Variants in FAM167A observed in about 807,000 individuals in gnomAD.
FAM167A encodes family with sequence similarity 167 member A, also known as protein FAM167A.
Under a neutral mutation model 14.9 loss-of-function variants are expected in FAM167A, and 23 were observed. The observed-to-expected ratio is 1.55, with a 90% confidence interval of 1.11 to 2.19. The LOEUF is 2.19. Ranked by LOEUF, FAM167A falls within the 30% of genes most tolerant of loss-of-function variation. FAM167A has a pLI of 0.00. For missense variants in FAM167A, 401 were observed against 281.5 expected, an observed-to-expected ratio of 1.42 and a Z score of -3.04; for synonymous variants, 174 against 117.7, an observed-to-expected ratio of 1.48 and a Z score of -3.10.
At chr8:11,425,668 A>AT (rs546447944) in intron 2 of FAM167A, among the ~76,000 whole-genome samples, 1 of 151,028 alleles carries the variant, frequency 6.6e-6, no homozygotes, top group Non-Finnish European at 1.5e-5. Context: ...GCTTTGTTAT[A>AT]CCCCCCCTTG....
intron 1 of FAM167A, among the ~76,000 whole-genome samples, chr8:11,451,490 C>G (rs559751780): frequency 1.3e-5 from 2 of 152,242 alleles, no homozygotes; most frequent in Admixed American, 1.3e-4. Context: ...ATTTGTCTTT[C>G]GTTGGACTGT....
chr8:11,445,487 G>A (rs67526040), intron 1 of FAM167A: 196,223 of 985,664 alleles, frequency 0.2, 20,511 homozygotes, highest in Non-Finnish European at 0.21. Flanking sequence ...TGGCACCTGG[G>A]CTGGATGGCT....
intron 2 of FAM167A, among the ~76,000 whole-genome samples, chr8:11,430,207 G>A (rs561765297): frequency 2.6e-5 from 4 of 152,330 alleles, no homozygotes; most frequent in African/African-American, 7.2e-5. Flanking sequence ...GGTGCAGCCT[G>A]TAATCCCAGC....
intron 2 of FAM167A, chr8:11,443,732 G>T: frequency 2.9e-6 from 1 of 339,246 alleles, no homozygotes; most frequent in Non-Finnish European, 5.5e-6. Flanking sequence ...TCCAGTACTG[G>T]GAGCGGTGTT....
intron 2 of FAM167A, chr8:11,433,944 G>A (rs957579984): frequency 1.3e-5 from 2 of 152,206 alleles, no homozygotes; most frequent in African/African-American, 4.8e-5. Context: ...TTTCGTCAGT[G>A]TTGTGCAGGA....
chr8:11,451,039 C>G (rs1420864656), intron 1 of FAM167A, among the ~76,000 whole-genome samples: 1 of 152,260 alleles, frequency 6.6e-6, no homozygotes, highest in African/African-American at 2.4e-5. Flanking sequence ...AGGTCATTTC[C>G]ATCCAGCAGC....
chr8:11,453,353 G>T (rs1232493288), intron 1 of FAM167A, among the ~76,000 whole-genome samples: 2 of 152,206 alleles, frequency 1.3e-5, no homozygotes, highest in African/African-American at 4.8e-5. Context: ...TAACATTTTA[G>T]TAACACTGTC....
At chr8:11,473,655 T>C (rs61649748) in intron 1 of FAM167A, among the ~76,000 whole-genome samples, 28,665 of 152,108 alleles carry the variant, frequency 0.19, 2,950 homozygotes, top group Non-Finnish European at 0.22. Context: ...CGGTTCTATC[T>C]CTGGGTCTGC....
intron 2 of FAM167A, 110 bp from the exon 3 acceptor site, chr8:11,424,746 A>T (rs980256350): frequency 1.9e-5 from 27 of 1,423,014 alleles, no homozygotes; most frequent in Non-Finnish European, 2.4e-5. Flanking sequence ...TAAGTGGTCC[A>T]TCTAGAAATA....
At chr8:11,461,662 A>T (rs1339812786) in intron 1 of FAM167A, among the ~76,000 whole-genome samples, 1 of 152,242 alleles carries the variant, frequency 6.6e-6, no homozygotes, top group Non-Finnish European at 1.5e-5. Flanking sequence ...GCTCCTAACC[A>T]GCTGGCATTG....
chr8:11,445,123 T>G (rs974774674), intron 1 of FAM167A: 61 of 984,686 alleles, frequency 6.2e-5, no homozygotes, highest in Non-Finnish European at 7.1e-5. Flanking sequence ...GGAACCCACA[T>G]ATCCTAGAAG....
rs1351824391 is a variant in FAM167A, at chr8:11,444,418, G to A, written c.-7C>T. On this transcript the variant is annotated 5_prime_UTR_variant, in exon 2 of 3. Transcript: ENST00000284486. The stretch of plus-strand genomic sequence containing the variant: ...GGATCTGGGGCACAGACATTCTACA[G>A]TCTGCCCTGGCAGCCGGACATGCGA... The A allele has an allele frequency of 6.5e-7, 1 of 1,529,402 alleles. No homozygotes were observed. The highest frequency in any genetic ancestry group is 1.3e-5 in the South Asian group (1 of 79,084). 94.7% of individuals were successfully genotyped at this position (1,529,402 alleles called of 1,614,324 possible).
At chr8:11,470,441 G>A (rs1180301743), upstream of FAM167A, among the ~76,000 whole-genome samples, 1 of 152,206 alleles carries the variant, frequency 6.6e-6, no homozygotes, top group Admixed American at 6.5e-5. Flanking sequence ...AGCATGGGTG[G>A]GAGATGACAT....
intron 2 of FAM167A, among the ~76,000 whole-genome samples, chr8:11,432,511 C>G (rs1362179246): frequency 6.6e-6 from 1 of 152,136 alleles, no homozygotes; most frequent in African/African-American, 2.4e-5. Flanking sequence ...ATCAAAATCA[C>G]AAGGAGATAC....
chr8:11,474,030 T>G (rs940559865), intron 1 of FAM167A, among the ~76,000 whole-genome samples: 3 of 152,092 alleles, frequency 2.0e-5, no homozygotes, highest in African/African-American at 7.2e-5. Flanking sequence ...TGCGCCACCA[T>G]GCCCGGCTAA....
chr8:11,430,152 G>T (rs1462264282), intron 2 of FAM167A, among the ~76,000 whole-genome samples: 1 of 152,200 alleles, frequency 6.6e-6, no homozygotes, highest in Non-Finnish European at 1.5e-5. Flanking sequence ...TCCCAGCGTG[G>T]CCTGGTGTCT....
intron 2 of FAM167A, among the ~76,000 whole-genome samples, chr8:11,435,315 C>T (rs1014210100): frequency 3.3e-5 from 5 of 152,328 alleles, no homozygotes; most frequent in Middle Eastern, 6.8e-3. Flanking sequence ...CCCCTCCATG[C>T]GGCCTCCACC....
chr8:11,467,324 T>C (rs1296897147), upstream of FAM167A, among the ~76,000 whole-genome samples: 2 of 152,232 alleles, frequency 1.3e-5, no homozygotes, highest in Admixed American at 1.3e-4. Flanking sequence ...CGGCCACCTC[T>C]GGCTGTCGTT....
Position 11,424,419 on chromosome 8 carries a change from C to A in FAM167A, c.599G>T (p.Gly200Val). The A allele has an allele frequency of 6.2e-7, 1 of 1,613,952 alleles. No individual in the cohort carries two copies. The highest frequency in any genetic ancestry group is 8.5e-7 in the Non-Finnish European group (1 of 1,179,982). ...AGAGTTGATGTTCATCTTGGTCACG[C>A]CAATAAGCTTGAGTGGTGTGGAGAG... ...FSLSTPLKLI[G>V]VTKMNINSRR... Residue 200 changes from glycine to valine, a missense_variant, in exon 3 of 3, where the codon GGC becomes GTC. Gly to Val is a moderately radical substitution (Grantham distance 109). Transcript: ENST00000284486.
Sources: allele counts gnomAD v4.1 joint callset (sites outside exome capture counted in the v4.1 genomes callset), GRCh38; gene constraint gnomAD v4.1.1; transcripts MANE v1.5; gene names NCBI Gene and HGNC (gene_info 2026-07-23, HGNC 2026-07-21).